GLIPR2: variants seen among roughly 807,000 people sequenced by gnomAD.
The protein encoded by GLIPR2 is Golgi-associated plant pathogenesis-related protein 1.
A neutral mutation model predicts 20.4 loss-of-function variants in GLIPR2; 21 were observed. That is an observed-to-expected ratio of 1.03 (90% CI 0.73 to 1.48). The LOEUF is 1.48. Ranked by LOEUF, GLIPR2 falls within the 40% of genes most tolerant of loss-of-function variation. The pLI, the probability that GLIPR2 is intolerant of heterozygous loss-of-function variation, is 0.00. For synonymous variants in GLIPR2, 91 were observed against 80.5 expected (o/e 1.13, Z -0.70); for missense variants, 205 against 200.1 (o/e 1.02, Z -0.15).
At chr9:36,141,808 C>A in intron 1 of GLIPR2, 1 of 454,596 alleles carries the variant, frequency 2.2e-6, no homozygotes, top group Non-Finnish European at 4.4e-6. Flanking sequence ...CGTGGGTCAC[C>A]ACGCATGGCT....
At chr9:36,149,608 C>A (rs545792375) in intron 3 of GLIPR2, among the ~76,000 whole-genome samples, 1 of 152,200 alleles carries the variant, frequency 6.6e-6, no homozygotes, top group African/African-American at 2.4e-5. Context: ...CCCTCGGGAG[C>A]CTTGAGCAGG....
chr9:36,157,183 A>AT (rs550973713), intron 4 of GLIPR2, among the ~76,000 whole-genome samples: 2,117 of 130,658 alleles, frequency 0.016, 25 homozygotes, highest in Middle Eastern at 0.035. Flanking sequence ...TGCCCAGCTA[A>AT]TTTTTTTTTT....
chr9:36,142,306 G>A (rs952427513), intron 1 of GLIPR2, among the ~76,000 whole-genome samples: 2 of 152,016 alleles, frequency 1.3e-5, no homozygotes, highest in Non-Finnish European at 2.9e-5. Context: ...TCCCTTTGTC[G>A]CCTGTGACCC....
chr9:36,142,123 G>C (rs746724327), intron 1 of GLIPR2, among the ~76,000 whole-genome samples: 8 of 152,180 alleles, frequency 5.3e-5, no homozygotes, highest in African/African-American at 7.2e-5. Flanking sequence ...CACAGAGGAG[G>C]CTCTTGAGAA....
intron 3 of GLIPR2, among the ~76,000 whole-genome samples, chr9:36,150,181 A>G (rs949744661): frequency 1.3e-5 from 2 of 152,234 alleles, no homozygotes; most frequent in African/African-American, 4.8e-5. Flanking sequence ...CAGCAGTAGC[A>G]TCTGGAAGCA....
rs10972765 is a variant in GLIPR2, at chr9:36,161,337, A to G, written c.305-1025A>G. 7.9e-5 allele frequency among the ~76,000 whole-genome samples: 12 copies of G among 152,264 alleles called. No homozygotes were observed. In the East Asian group the frequency reaches 2.3e-3, roughly 29 times the overall value. ...GGAGAGGAATAAATCTAGGGGGACAAAAACTGGGAGTGAGGTTTGGAAAGG... is the reference window on the plus strand; with the variant it reads ...GGAGAGGAATAAATCTAGGGGGACAGAAACTGGGAGTGAGGTTTGGAAAGG... On this transcript the variant is annotated intron_variant, in intron 4 of 4. Coordinates refer to ENST00000377960, the MANE Select transcript of GLIPR2 (RefSeq NM_022343.4).
intron 1 of GLIPR2, 110 bp from the exon 2 acceptor site, chr9:36,147,676 C>T (rs1825388994): frequency 1.4e-6 from 1 of 703,330 alleles, no homozygotes; most frequent in African/African-American, 1.7e-5. Context: ...GAGCAGCAGC[C>T]TGTCCACATG....
chr9:36,146,910 C>A (rs1041660271), intron 1 of GLIPR2, among the ~76,000 whole-genome samples: 1 of 152,140 alleles, frequency 6.6e-6, no homozygotes, highest in Non-Finnish European at 1.5e-5. Context: ...GTTCTGGGGT[C>A]TTGGGGCGGC....
rs73648723 is a variant in GLIPR2 at position 36,143,583 on chromosome 9, G to A, written c.14-4203G>A. Among the ~76,000 whole-genome samples, 460 of 152,278 alleles carry A rather than the reference G, an allele frequency of 3.0e-3. 2 individuals carry two copies. The highest frequency in any genetic ancestry group is 0.011 in the African/African-American group (446 of 41,550). ...GGCCCTTTCCCGCACACTCACACTC[G>A]TTCTGATCAGCGTCTCCTGAGAGAA... is the stretch of plus-strand genomic sequence containing the variant. On this transcript the variant is annotated intron_variant, in intron 1 of 4. Coordinates refer to ENST00000377960, the MANE Select transcript of GLIPR2 (RefSeq NM_022343.4).
At chr9:36,156,385 TAAA>T (rs58467311) in intron 4 of GLIPR2, among the ~76,000 whole-genome samples, 3,227 of 77,226 alleles carry the variant, frequency 0.042, 89 homozygotes, top group African/African-American at 0.13. Flanking sequence ...AAGCCATGTC[TAAA>T]AAAAAAAAAA....
Position 36,162,715 on chromosome 9 carries a change from A to AG in GLIPR2, c.*195dup. On this transcript the variant is annotated 3_prime_UTR_variant, in exon 5 of 5. Coordinates refer to ENST00000377960, the MANE Select transcript of GLIPR2 (RefSeq NM_022343.4). ...TCATTCTTATTACAGGAGTGAGCAA[A>AG]GGAAGCATTTACCCCGATGGTTACC... 1 of 641,416 alleles carries AG rather than the reference A, an allele frequency of 1.6e-6. No homozygotes were observed. Among genetic ancestry groups the AG allele is most frequent in the Admixed American group, 2.9e-5 (1 of 34,568 alleles). 39.7% of individuals were successfully genotyped at this position (641,416 alleles called of 1,614,324 possible). A position where few individuals can be genotyped will look rare whatever the true frequency, so the allele number is the denominator to read the frequency against.
intron 1 of GLIPR2, chr9:36,141,842 T>A (rs764181080): frequency 2.2e-6 from 1 of 452,766 alleles, no homozygotes; most frequent in African/African-American, 2.0e-5. Context: ...TTTGTCCTCC[T>A]CAGAATCTCT....
intron 1 of GLIPR2, among the ~76,000 whole-genome samples, chr9:36,140,810 G>C (rs1825038797): frequency 6.6e-6 from 1 of 152,134 alleles, no homozygotes; most frequent in Non-Finnish European, 1.5e-5. Flanking sequence ...TGGACAATGC[G>C]CATGCCCCCC....
chr9:36,148,675 C>T, intron 3 of GLIPR2, 25 bp downstream of exon 3: 5 of 1,489,682 alleles, frequency 3.4e-6, no homozygotes, highest in Non-Finnish European at 4.7e-6. Context: ...CAGCTCCTCT[C>T]CTCTCTGCGG....
In GLIPR2 at chr9:36,163,119, A is replaced by T. The variant is rs1039763114; in HGVS notation, c.*597A>T. The T allele has an allele frequency of 3.6e-6, 1 of 278,842 alleles. No homozygotes were observed. Among genetic ancestry groups the T allele is most frequent in the Admixed American group, 5.1e-5 (1 of 19,434 alleles). 17.3% of individuals were successfully genotyped at this position (278,842 alleles called of 1,614,324 possible). On this transcript the variant is annotated 3_prime_UTR_variant, in exon 5 of 5. Coordinates refer to ENST00000377960, the MANE Select transcript of GLIPR2 (RefSeq NM_022343.4). ...CCTGCATGCCTCCTGGAATTCTCCA[A>T]TGGGGTCGCCAAACAACAAATGGAG...
intron 2 of GLIPR2, 43 bp downstream of exon 2, chr9:36,147,937 C>G (rs769824565): frequency 2.2e-6 from 2 of 903,606 alleles, no homozygotes; most frequent in Admixed American, 3.4e-5. Flanking sequence ...CCTTCATGTG[C>G]TGCTACTGCA....
intron 1 of GLIPR2, among the ~76,000 whole-genome samples, chr9:36,145,745 G>A (rs1313308646): frequency 1.3e-5 from 2 of 152,100 alleles, no homozygotes; most frequent in Non-Finnish European, 2.9e-5. Flanking sequence ...TTGGATGAAT[G>A]GTGGATGGAC....
chr9:36,158,164 C>T (rs534039225), intron 4 of GLIPR2, among the ~76,000 whole-genome samples: 5 of 152,182 alleles, frequency 3.3e-5, no homozygotes, highest in African/African-American at 1.2e-4. Flanking sequence ...GGAGCATGGG[C>T]GTATAAATAT....
intron 4 of GLIPR2, among the ~76,000 whole-genome samples, chr9:36,151,238 T>C (rs1476712220): frequency 6.6e-6 from 1 of 152,176 alleles, no homozygotes; most frequent in Admixed American, 6.5e-5. Context: ...CATAGGAGAC[T>C]GGATTTCCAA....
Sources: gnomAD v4.1 joint callset for allele counts (sites outside exome capture counted in the v4.1 genomes callset) on GRCh38, gnomAD v4.1.1 for gene constraint, MANE v1.5 for transcripts, NCBI Gene and HGNC (gene_info 2026-07-23, HGNC 2026-07-21) for gene names.